The following ANK1 variants were observed in gnomAD, a reference collection of about 807,000 sequenced individuals.
The protein encoded by ANK1 is ankyrin-1.
In ANK1, 51 loss-of-function variants were observed where a neutral mutation model predicts 210.4. The observed-to-expected ratio is 0.24, with a 90% confidence interval of 0.19 to 0.31. ANK1 has a LOEUF of 0.31. Among genes scored for constraint, ANK1 ranks in the 10% least tolerant of loss-of-function variants. The pLI is 1.00. For synonymous variants in ANK1, 967 were observed against 1,025.9 expected (o/e 0.94, Z 1.10); for missense variants, 2,051 against 2,504.4 (o/e 0.82, Z 3.86).
intron 1 of ANK1, among the ~76,000 whole-genome samples, chr8:41,763,536 T>G (rs1376047990): frequency 6.6e-6 from 1 of 152,166 alleles, no homozygotes; most frequent in East Asian, 1.9e-4. Flanking sequence ...GTCTATGCCT[T>G]TCCACTGCCC....
At chr8:41,778,903 T>A (rs1212042800) in intron 1 of ANK1, among the ~76,000 whole-genome samples, 1 of 152,214 alleles carries the variant, frequency 6.6e-6, no homozygotes, top group East Asian at 1.9e-4. Flanking sequence ...CTCATAGAGC[T>A]GACATTCCTA....
At chr8:41,871,545 C>T (rs1169819375) in intron 1 of ANK1, among the ~76,000 whole-genome samples, 1 of 152,092 alleles carries the variant, frequency 6.6e-6, no homozygotes, top group African/African-American at 2.4e-5. Flanking sequence ...CGAAGAAGAT[C>T]GGGGGGCGAT....
chr8:41,879,099 A>G (rs1312895581), intron 1 of ANK1, among the ~76,000 whole-genome samples: 1 of 152,138 alleles, frequency 6.6e-6, no homozygotes, highest in East Asian at 1.9e-4. Context: ...ATTAAAAAAA[A>G]TGCAGGACAA....
At chr8:41,685,113 G>C (rs1267696301) in intron 36 of ANK1, among the ~76,000 whole-genome samples, 1 of 152,140 alleles carries the variant, frequency 6.6e-6, no homozygotes, top group Non-Finnish European at 1.5e-5. Flanking sequence ...ACTTTTAGTA[G>C]AGACAAGGTT....
upstream of ANK1, among the ~76,000 whole-genome samples, chr8:41,799,012 T>C (rs1397924437): frequency 2.0e-5 from 3 of 151,508 alleles, no homozygotes; most frequent in Admixed American, 2.0e-4. Flanking sequence ...GCGCACCCCA[T>C]GGACGCTGGG....
intron 18 of ANK1, among the ~76,000 whole-genome samples, chr8:41,705,555 C>T (rs1824334826): frequency 6.6e-6 from 1 of 152,208 alleles, no homozygotes; most frequent in South Asian, 2.1e-4. Context: ...ATATGGTTCC[C>T]TTGTGGGGAA....
At chr8:41,896,312 C>G in intron 1 of ANK1, 1 of 1,574,882 alleles carries the variant, frequency 6.3e-7, no homozygotes, top group Non-Finnish European at 8.6e-7. Context: ...CAGCCACTTG[C>G]AGGTGCCGCG....
intron 36 of ANK1, 109 bp from the exon 37 acceptor site, chr8:41,684,799 C>G: frequency 1.4e-6 from 2 of 1,432,098 alleles, no homozygotes; most frequent in African/African-American, 2.8e-5. Context: ...TAATTTTTTT[C>G]AGAAGGTGGA....
chr8:41,864,674 A>G (rs1813993345), intron 1 of ANK1, among the ~76,000 whole-genome samples: 1 of 152,206 alleles, frequency 6.6e-6, no homozygotes, highest in Non-Finnish European at 1.5e-5. Flanking sequence ...CTGCAGAGAG[A>G]TGAGTGCTTA....
At chr8:41,687,650 C>T (rs184531271) in intron 35 of ANK1, among the ~76,000 whole-genome samples, 19 of 152,376 alleles carry the variant, frequency 1.2e-4, no homozygotes, top group Admixed American at 2.0e-4. Flanking sequence ...TTCACCGCTG[C>T]AACCCCGTGT....
At chr8:41,662,920 ATTAT>A (rs1415528389) in intron 40 of ANK1, among the ~76,000 whole-genome samples, 1 of 151,868 alleles carries the variant, frequency 6.6e-6, no homozygotes, top group African/African-American at 2.4e-5. Context: ...CTTCCTTTTA[ATTAT>A]TTAATTATTG....
At chr8:41,745,441 A>G (rs1033911812) in intron 2 of ANK1, among the ~76,000 whole-genome samples, 1 of 152,246 alleles carries the variant, frequency 6.6e-6, no homozygotes, top group African/African-American at 2.4e-5. Context: ...GAACGGGCGT[A>G]GATAATGCAG....
chr8:41,683,514 C>T (rs1218959101), intron 37 of ANK1, among the ~76,000 whole-genome samples: 3 of 152,194 alleles, frequency 2.0e-5, no homozygotes, highest in Non-Finnish European at 2.9e-5. Flanking sequence ...TCAGCCTGGG[C>T]GTGGCGGGGA....
intron 2 of ANK1, among the ~76,000 whole-genome samples, chr8:41,734,285 GC>G (rs1185453513): frequency 1.3e-5 from 2 of 152,140 alleles, no homozygotes; most frequent in Non-Finnish European, 2.9e-5. Flanking sequence ...GAAAGGAAGG[GC>G]AAGAACTAGC....
At chr8:41,841,554 C>T (rs115951086) in intron 1 of ANK1, among the ~76,000 whole-genome samples, 2,247 of 152,214 alleles carry the variant, frequency 0.015, 52 homozygotes, top group African/African-American at 0.049. Context: ...ACCACAAAAG[C>T]AGACAAACAA....
intron 26 of ANK1, 115 bp downstream of exon 26, chr8:41,696,238 TGTCAGGAAAA>T (rs1653930098): frequency 3.7e-6 from 4 of 1,085,290 alleles, no homozygotes; most frequent in Admixed American, 1.9e-5. Flanking sequence ...CACCTTCGTG[TGTCAGGAAAA>T]GTCAGGGAAA....
Position 41,777,611 on chromosome 8 carries a change from A to AAAAC in ANK1, c.28-19478_28-19475dup, listed in dbSNP as rs200293743. 3.3e-3 allele frequency among the ~76,000 whole-genome samples: 494 copies of AAAAC among 151,448 alleles called. 2 individuals are homozygous for AAAAC. The highest frequency in any genetic ancestry group is 7.4e-3 in the South Asian group (35 of 4,754). On this transcript the variant is annotated intron_variant, in intron 1 of 42. Coordinates refer to ENST00000289734, the MANE Select transcript of ANK1 (RefSeq NM_000037.4). ...AAACAAAACAAAACAACAATAAATA[A>AAAAC]AAACAAACAAACAAACAAACAAACA...
At position 41,675,278 on chromosome 8, in the gene ANK1, G is replaced by A. The variant is rs1438271988; in HGVS notation, c.4538-2366C>T. On this transcript the variant is annotated intron_variant, in intron 37 of 42. Coordinates refer to ENST00000289734, the MANE Select transcript of ANK1 (RefSeq NM_000037.4). The stretch of plus-strand genomic sequence containing the variant: ...CGCCTGGCCAATTTTTGTATTTTTA[G>A]TAGAGATGGGGTTTCACCCTGTTGG... 3.3e-5 allele frequency among the ~76,000 whole-genome samples: 5 copies of A among 152,170 alleles called. No homozygotes were observed. The South Asian group carries it at 6.2e-4, about 19-fold the overall frequency.
chr8:41,692,044 C>T (rs1266349506), intron 31 of ANK1, among the ~76,000 whole-genome samples: 1 of 150,142 alleles, frequency 6.7e-6, no homozygotes, highest in Non-Finnish European at 1.5e-5. Flanking sequence ...CACCACCATA[C>T]TCAGCTGGCT....
Sources: allele counts gnomAD v4.1 joint callset (sites outside exome capture counted in the v4.1 genomes callset), GRCh38; gene constraint gnomAD v4.1.1; transcripts MANE v1.5; gene names NCBI Gene and HGNC (gene_info 2026-07-23, HGNC 2026-07-21).